PAQR5: variants seen among roughly 807,000 people sequenced by gnomAD.
PAQR5 encodes the protein membrane progestin receptor gamma.
PAQR5 carries 20 observed loss-of-function variants against 34.5 expected under a neutral mutation model. That is an observed-to-expected ratio of 0.58 (90% CI 0.41 to 0.84). The LOEUF (loss-of-function observed/expected upper bound fraction) is 0.84. PAQR5 is among the 40% of genes least tolerant of loss of function. PAQR5 has a pLI of 0.00. For missense variants in PAQR5, 378 were observed against 412.7 expected, an observed-to-expected ratio of 0.92 and a Z score of 0.73; for synonymous variants, 131 against 155.6, an observed-to-expected ratio of 0.84 and a Z score of 1.18.
At chr15:69,395,229 G>A (rs1329034481) in intron 6 of PAQR5, among the ~76,000 whole-genome samples, 2 of 152,194 alleles carry the variant, frequency 1.3e-5, no homozygotes, top group African/African-American at 4.8e-5. Context: ...GCAGGAGTGT[G>A]TGCCCTCTGC....
intron 1 of PAQR5, among the ~76,000 whole-genome samples, chr15:69,313,153 C>T (rs1309382955): frequency 6.6e-6 from 1 of 152,112 alleles, no homozygotes; most frequent in East Asian, 1.9e-4. Flanking sequence ...AGTAAAGACC[C>T]TGTCACGACT....
At position 69,360,106 on chromosome 15, in the gene PAQR5, T is replaced by G; in HGVS notation, c.26T>G (p.Leu9Arg). ...ATGCTGAGCCTGAAGCTCCCCAGGC[T>G]GTTTAGCATAGACCAGATACCCCAG... The part of the protein sequence containing the change: MLSLKLPR[L>R]FSIDQIPQVF... Residue 9 changes from leucine to arginine, a missense_variant, in exon 3 of 9, where the codon CTG becomes CGG. By Grantham distance (102) the Leu-to-Arg change is moderately radical. Transcript: ENST00000395407. 1 of 1,613,824 alleles carries G rather than the reference T, an allele frequency of 6.2e-7. No homozygotes were observed. The highest frequency in any genetic ancestry group is 8.5e-7 in the Non-Finnish European group (1 of 1,179,764).
At chr15:69,356,116 T>TC (rs2055070692) in intron 2 of PAQR5, among the ~76,000 whole-genome samples, 1 of 152,236 alleles carries the variant, frequency 6.6e-6, no homozygotes, top group Non-Finnish European at 1.5e-5. Context: ...TCTTTCTTTT[T>TC]CTTCCCATGA....
chr15:69,333,891 G>A (rs1008044689), intron 1 of PAQR5, among the ~76,000 whole-genome samples: 3 of 152,154 alleles, frequency 2.0e-5, no homozygotes, highest in Non-Finnish European at 4.4e-5. Context: ...GTGTGTGTGT[G>A]TGAGATGTTT....
At chr15:69,376,651 G>A (rs748047026) in intron 3 of PAQR5, among the ~76,000 whole-genome samples, 13 of 152,026 alleles carry the variant, frequency 8.6e-5, no homozygotes, top group Non-Finnish European at 1.2e-4. Flanking sequence ...CCCCTATTAC[G>A]TGGCCAATAT....
intron 1 of PAQR5, among the ~76,000 whole-genome samples, chr15:69,331,152 T>C (rs2054371158): frequency 6.6e-6 from 1 of 152,080 alleles, no homozygotes; most frequent in East Asian, 1.9e-4. Context: ...TGTAGCCCCA[T>C]TGTGGGGTGT....
intron 1 of PAQR5, among the ~76,000 whole-genome samples, chr15:69,309,917 A>G (rs1486961564): frequency 6.6e-6 from 1 of 152,078 alleles, no homozygotes; most frequent in Admixed American, 6.5e-5. Context: ...GCATGATGGT[A>G]GGTGCCTGTA....
chr15:69,359,497 C>G (rs1162775297), intron 2 of PAQR5, among the ~76,000 whole-genome samples: 1 of 151,900 alleles, frequency 6.6e-6, no homozygotes, highest in African/African-American at 2.4e-5. Flanking sequence ...ATTGATTGAT[C>G]GAGCAGGGGG....
chr15:69,391,831 T>TG (rs2056282616), intron 6 of PAQR5: 5 of 391,842 alleles, frequency 1.3e-5, no homozygotes, highest in Non-Finnish European at 2.6e-5. Context: ...GCCAGGTGGG[T>TG]GGATCACCTG....
intron 2 of PAQR5, among the ~76,000 whole-genome samples, chr15:69,344,966 G>A (rs981742120): frequency 6.6e-6 from 1 of 152,028 alleles, no homozygotes; most frequent in Non-Finnish European, 1.5e-5. Context: ...ACATGGTGCT[G>A]TGCTATAGTA....
intron 3 of PAQR5, among the ~76,000 whole-genome samples, chr15:69,362,340 T>C (rs1232639610): frequency 6.6e-6 from 1 of 152,244 alleles, no homozygotes; most frequent in Non-Finnish European, 1.5e-5. Flanking sequence ...ATTGGGTTTT[T>C]GGGCATCATG....
At chr15:69,388,479 C>T (rs549316679) in intron 5 of PAQR5, among the ~76,000 whole-genome samples, 37 of 152,234 alleles carry the variant, frequency 2.4e-4, no homozygotes, top group East Asian at 1.3e-3. Flanking sequence ...CTTCTGGCTG[C>T]GGTTCTGGGC....
At chr15:69,311,936 A>C (rs1159192803) in intron 1 of PAQR5, among the ~76,000 whole-genome samples, 1 of 152,246 alleles carries the variant, frequency 6.6e-6, no homozygotes, top group Non-Finnish European at 1.5e-5. Context: ...TGTAAGGGTC[A>C]GTAAACTGCA....
At chr15:69,318,221 G>T (rs1367756118) in intron 1 of PAQR5, among the ~76,000 whole-genome samples, 1 of 152,262 alleles carries the variant, frequency 6.6e-6, no homozygotes, top group African/African-American at 2.4e-5. Context: ...GGCTGATGAA[G>T]TGGGGCTCGG....
chr15:69,398,798 A>G (rs1292915876), intron 7 of PAQR5, among the ~76,000 whole-genome samples: 1 of 152,154 alleles, frequency 6.6e-6, no homozygotes, highest in Non-Finnish European at 1.5e-5. Flanking sequence ...GTGTTGTGAC[A>G]AGCATCGTGT....
intron 3 of PAQR5, among the ~76,000 whole-genome samples, chr15:69,376,621 A>G (rs2055714165): frequency 6.6e-6 from 1 of 152,052 alleles, no homozygotes; most frequent in African/African-American, 2.4e-5. Context: ...ATTTTTTTGG[A>G]AAGGCTGCTT....
intron 2 of PAQR5, among the ~76,000 whole-genome samples, chr15:69,349,169 A>G (rs1046876639): frequency 2.0e-5 from 3 of 152,128 alleles, no homozygotes; most frequent in Admixed American, 1.3e-4. Context: ...CCCACCCACA[A>G]TGGTATGGCC....
intron 1 of PAQR5, among the ~76,000 whole-genome samples, chr15:69,335,613 G>C (rs181928749): frequency 2.3e-5 from 3 of 129,178 alleles, no homozygotes; most frequent in Non-Finnish European, 3.1e-5. Context: ...GCAGTGGCAC[G>C]ATCTTGGCTC....
chr15:69,324,129 C>CAAAAAAAAAAA (rs55634756), intron 1 of PAQR5, among the ~76,000 whole-genome samples: 13 of 135,414 alleles, frequency 9.6e-5, no homozygotes, highest in Non-Finnish European at 1.2e-4. Context: ...ATAGCTAGGG[C>CAAAAAAAAAAA]AAAAAAAAAA....
Sources: allele counts gnomAD v4.1 joint callset (sites outside exome capture counted in the v4.1 genomes callset), GRCh38; gene constraint gnomAD v4.1.1; transcripts MANE v1.5; gene names NCBI Gene and HGNC (gene_info 2026-07-23, HGNC 2026-07-21).